The following MEMO1 variants were observed in gnomAD, a reference collection of about 807,000 sequenced individuals.
MEMO1 encodes mediator of cell motility 1.
MEMO1 carries 6 observed loss-of-function variants against 45.2 expected under a neutral mutation model. The observed-to-expected ratio is 0.13, with a 90% confidence interval of 0.07 to 0.26. MEMO1 has a LOEUF of 0.26. Ranked by LOEUF, MEMO1 falls within the 10% of genes least tolerant of loss-of-function variation. The pLI, the probability that MEMO1 is intolerant of heterozygous loss-of-function variation, is 1.00. For missense variants in MEMO1, 184 were observed against 370.5 expected (o/e 0.50, Z 4.13); for synonymous variants, 78 against 124.3 (o/e 0.63, Z 2.48).
intron 7 of MEMO1, among the ~76,000 whole-genome samples, chr2:31,888,685 G>A (rs1243031213): frequency 1.3e-5 from 2 of 152,092 alleles, no homozygotes; most frequent in African/African-American, 4.8e-5. Flanking sequence ...CAGAAAGGAT[G>A]AAATGAGGTG....
At chr2:31,939,085 C>T (rs569818667) in intron 3 of MEMO1, among the ~76,000 whole-genome samples, 1 of 138,704 alleles carries the variant, frequency 7.2e-6, no homozygotes, top group African/African-American at 2.7e-5. Flanking sequence ...CACCCAGTAA[C>T]AATGAAAGAT....
chr2:31,968,017 G>A (rs1558540454), intron 2 of MEMO1, among the ~76,000 whole-genome samples: 1 of 152,054 alleles, frequency 6.6e-6, no homozygotes, highest in Non-Finnish European at 1.5e-5. Flanking sequence ...GCATTTTTCT[G>A]GAGAAAAAGA....
chr2:31,953,441 G>A (rs1013003969), intron 2 of MEMO1, among the ~76,000 whole-genome samples: 4 of 146,140 alleles, frequency 2.7e-5, no homozygotes, highest in Admixed American at 7.0e-5. Context: ...AAATCAGTAC[G>A]AACTTTCATA....
intron 2 of MEMO1, among the ~76,000 whole-genome samples, chr2:31,951,231 G>A (rs1666810155): frequency 6.6e-6 from 1 of 152,186 alleles, no homozygotes; most frequent in South Asian, 2.1e-4. Flanking sequence ...ATTCACATAT[G>A]AACAGGCAGT....
intron 2 of MEMO1, among the ~76,000 whole-genome samples, chr2:31,955,937 T>C (rs371500778): frequency 6.6e-6 from 1 of 152,058 alleles, no homozygotes; most frequent in Admixed American, 6.6e-5. Context: ...CGCCCCAATA[T>C]TCCTCCATGC....
intron 6 of MEMO1, among the ~76,000 whole-genome samples, chr2:31,898,082 G>A (rs962368675): frequency 6.6e-6 from 1 of 151,856 alleles, no homozygotes; most frequent in African/African-American, 2.4e-5. Flanking sequence ...ATTTTTTACT[G>A]TGTCTCTTTG....
At chr2:31,925,929 AT>A (rs977313260) in intron 4 of MEMO1, among the ~76,000 whole-genome samples, 5 of 152,224 alleles carry the variant, frequency 3.3e-5, no homozygotes, top group African/African-American at 1.2e-4. Flanking sequence ...ATATGGAAGT[AT>A]GTTTCAGGAA....
intron 2 of MEMO1, among the ~76,000 whole-genome samples, chr2:31,987,229 C>T (rs72860991): frequency 0.012 from 1,850 of 152,000 alleles, 42 homozygotes; most frequent in African/African-American, 0.041. Context: ...TCTCAAAGGC[C>T]TGGCCTCAAT....
intron 2 of MEMO1, among the ~76,000 whole-genome samples, chr2:31,985,483 GC>G (rs1243146205): frequency 6.6e-6 from 1 of 152,052 alleles, no homozygotes; most frequent in Non-Finnish European, 1.5e-5. Flanking sequence ...GCGCCACCAT[GC>G]CCAGCTAATT....
chr2:31,935,947 TTTTA>T (rs1175390652), intron 3 of MEMO1, among the ~76,000 whole-genome samples: 1 of 151,920 alleles, frequency 6.6e-6, no homozygotes, highest in Non-Finnish European at 1.5e-5. Context: ...TAGTATTTTA[TTTTA>T]TTTTTTATTT....
chr2:32,010,117 C>G (rs1288454451), intron 2 of MEMO1, 70 bp downstream of exon 2: 2 of 827,134 alleles, frequency 2.4e-6, no homozygotes, highest in Non-Finnish European at 2.9e-6. Context: ...GCCGGGCCGC[C>G]GACCTCGGCC....
At chr2:31,961,028 C>A (rs974290577) in intron 2 of MEMO1, among the ~76,000 whole-genome samples, 5 of 152,150 alleles carry the variant, frequency 3.3e-5, no homozygotes, top group South Asian at 2.1e-4. Flanking sequence ...ATATTATTTT[C>A]AGCTAATTTA....
At chr2:31,915,488 A>G (rs1050875809) in intron 6 of MEMO1, among the ~76,000 whole-genome samples, 7 of 152,092 alleles carry the variant, frequency 4.6e-5, no homozygotes, top group African/African-American at 1.7e-4. Context: ...GAAATGTGCT[A>G]TGTAGTTTCC....
intron 2 of MEMO1, among the ~76,000 whole-genome samples, chr2:32,008,150 C>A (rs1674333440): frequency 6.6e-6 from 1 of 152,286 alleles, no homozygotes; most frequent in African/African-American, 2.4e-5. Flanking sequence ...ACGAATTCAT[C>A]TTAGAATACC....
chr2:31,999,648 C>CTGT (rs1673030273), intron 2 of MEMO1, among the ~76,000 whole-genome samples: 1 of 152,220 alleles, frequency 6.6e-6, no homozygotes, highest in South Asian at 2.1e-4. Context: ...CTAGCCTGGG[C>CTGT]AACAGAGCAA....
At chr2:31,988,149 C>A (rs1346533937) in intron 2 of MEMO1, among the ~76,000 whole-genome samples, 1 of 152,132 alleles carries the variant, frequency 6.6e-6, no homozygotes, top group East Asian at 1.9e-4. Context: ...TACCAGAAGT[C>A]TGCAGGACCT....
chr2:31,906,898 C>A lies in MEMO1; in HGVS notation c.437+11028G>T, dbSNP rs543538954. On this transcript the variant is annotated intron_variant, in intron 6 of 9. Coordinates refer to ENST00000404530, the MANE Select transcript of MEMO1 (RefSeq NM_001301833.4). ...TGTAAGATAATAGGGAATGGTAGGA[C>A]CAATATCTAGCTATAAATATCTGTA... Among the ~76,000 whole-genome samples, 58 of 152,186 alleles carry A rather than the reference C, an allele frequency of 3.8e-4. 1 individual carries two copies. In the South Asian group the frequency reaches 0.012, roughly 31 times the overall value.
intron 2 of MEMO1, among the ~76,000 whole-genome samples, chr2:32,000,790 ATTT>A (rs71268324): frequency 1.4e-5 from 2 of 145,610 alleles, no homozygotes; most frequent in Non-Finnish European, 3.0e-5. Context: ...CATACCACAT[ATTT>A]TTTTTTTTTC....
chr2:31,872,342 T>C (rs1673905808), intron 8 of MEMO1, among the ~76,000 whole-genome samples: 1 of 152,196 alleles, frequency 6.6e-6, no homozygotes, highest in African/African-American at 2.4e-5. Context: ...ACAACTTGCA[T>C]ACATGTTGTA....
Sources: allele counts gnomAD v4.1 joint callset (sites outside exome capture counted in the v4.1 genomes callset), GRCh38; gene constraint gnomAD v4.1.1; transcripts MANE v1.5; gene names NCBI Gene and HGNC (gene_info 2026-07-23, HGNC 2026-07-21).